Variants in PRKN observed in about 807,000 individuals in gnomAD.
PRKN encodes the protein parkin RBR E3 ubiquitin protein ligase, also known as E3 ubiquitin-protein ligase parkin.
PRKN carries 56 observed loss-of-function variants against 59.5 expected under a neutral mutation model. The observed-to-expected ratio is 0.94, with a 90% CI of 0.76 to 1.18. The LOEUF (loss-of-function observed/expected upper bound fraction) is 1.18, where lower values mean the gene tolerates loss of function less well. PRKN is among the 50% of genes most tolerant of loss of function. PRKN has a pLI of 0.00. For synonymous variants in PRKN, 250 were observed against 222.1 expected (o/e 1.13, Z -1.12); for missense variants, 657 against 596.4 (o/e 1.10, Z -1.06).
intron 4 of PRKN, among the ~76,000 whole-genome samples, chr6:162,093,686 C>G (rs1294019958): frequency 6.6e-6 from 1 of 152,162 alleles, no homozygotes; most frequent in African/African-American, 2.4e-5. Flanking sequence ...GTAGTCACAT[C>G]TGAAGAACAC....
chr6:162,190,781 T>A (rs75215200), intron 4 of PRKN, among the ~76,000 whole-genome samples: 1 of 152,216 alleles, frequency 6.6e-6, no homozygotes, highest in Non-Finnish European at 1.5e-5. Flanking sequence ...ACAAAGGATC[T>A]ACTATGTAGG....
chr6:162,441,234 T>C (rs1242294712), intron 2 of PRKN, among the ~76,000 whole-genome samples: 1 of 152,156 alleles, frequency 6.6e-6, no homozygotes, highest in African/African-American at 2.4e-5. Flanking sequence ...TTCTATGGCA[T>C]GACATTTTTC....
chr6:161,748,592 A>G (rs1788536948), intron 7 of PRKN, among the ~76,000 whole-genome samples: 1 of 152,180 alleles, frequency 6.6e-6, no homozygotes, highest in East Asian at 1.9e-4. Flanking sequence ...GGTTCCTGGA[A>G]GTAACACTGG....
At chr6:162,558,611 G>A (rs752646672) in intron 1 of PRKN, among the ~76,000 whole-genome samples, 36 of 151,582 alleles carry the variant, frequency 2.4e-4, no homozygotes, top group Non-Finnish European at 4.3e-4. Flanking sequence ...TTACAGGCAT[G>A]AGCCACTGTG....
rs1245605147 is a variant in PRKN at position 161,554,011 on chromosome 6, T to G, written c.934-5008A>C. 6.6e-6 allele frequency among the ~76,000 whole-genome samples: 1 copy of G among 152,252 alleles called. No individual in the cohort carries two copies. Among genetic ancestry groups the G allele is most frequent in the Non-Finnish European group, 1.5e-5 (1 of 68,044 alleles). On this transcript the variant is annotated intron_variant, in intron 8 of 11. Coordinates refer to ENST00000366898, the MANE Select transcript of PRKN (RefSeq NM_004562.3). This position sits in a 1 kb window ranked among gnomAD's most constrained non-coding sequence, Gnocchi z 4.5. ...AAGACCATAAATTGGGTGCTAGGCA[T>G]GTTCAGTGCTCCTAAGTTAGTCATT...
intron 6 of PRKN, among the ~76,000 whole-genome samples, chr6:161,961,901 C>T (rs1374842997): frequency 1.3e-5 from 2 of 152,090 alleles, no homozygotes; most frequent in African/African-American, 4.8e-5. Context: ...ATCTGTGTAG[C>T]CCAGTGCCTC....
chr6:162,214,789 T>C (rs1777566669), intron 3 of PRKN, among the ~76,000 whole-genome samples: 2 of 152,208 alleles, frequency 1.3e-5, no homozygotes, highest in South Asian at 4.1e-4. Flanking sequence ...TCTTATGATG[T>C]CCCTCATTCA....
At chr6:162,256,090 G>A (rs1035821589) in intron 3 of PRKN, among the ~76,000 whole-genome samples, 1 of 152,138 alleles carries the variant, frequency 6.6e-6, no homozygotes, top group Non-Finnish European at 1.5e-5. Flanking sequence ...AGATCTTACA[G>A]AGCATCAGAG....
chr6:161,678,215 A>ATTTTTTT, intron 7 of PRKN, among the ~76,000 whole-genome samples: 1 of 86,338 alleles, frequency 1.2e-5, no homozygotes, highest in African/African-American at 6.1e-5. Context: ...ATACTGAATC[A>ATTTTTTT]CTTTTTTTTT....
chr6:162,595,662 T>C (rs958827789), intron 1 of PRKN, among the ~76,000 whole-genome samples: 11 of 152,294 alleles, frequency 7.2e-5, no homozygotes, highest in African/African-American at 2.6e-4. Context: ...TATTTTTAAA[T>C]AGAAATAATA....
rs1786738807 is a variant in PRKN, at chr6:161,395,962, A to T, written c.1084-9085T>A. Among the ~76,000 whole-genome samples, 1 of 152,194 alleles carries T rather than the reference A, an allele frequency of 6.6e-6. No homozygotes were observed. The highest frequency in any genetic ancestry group is 6.5e-5 in the Admixed American group (1 of 15,280). ...TTAGAGGTCCAGGTTAGAGAGAAAG[A>T]AACAGTGAATGGGGGAACGGCAGCT... On this transcript the variant is annotated intron_variant, in intron 9 of 11. Coordinates refer to ENST00000366898, the MANE Select transcript of PRKN (RefSeq NM_004562.3). This position sits in a 1 kb window ranked among gnomAD's most constrained non-coding sequence, Gnocchi z 5.0.
rs1457956518 is a variant in PRKN at position 161,483,653 on chromosome 6, T to C, written c.1083+65201A>G. On this transcript the variant is annotated intron_variant, in intron 9 of 11. Transcript: ENST00000366898. This position sits in a 1 kb window ranked among gnomAD's most constrained non-coding sequence, Gnocchi z 5.0. ...CCCCTCATCCCCAATAGAGAGCACATTGGTAGCTCAAATAGGCTATTACTC... is the reference window on the plus strand; with the variant it reads ...CCCCTCATCCCCAATAGAGAGCACACTGGTAGCTCAAATAGGCTATTACTC... Among the ~76,000 whole-genome samples, 3 of 152,126 alleles carry C rather than the reference T, an allele frequency of 2.0e-5. No individual in the cohort carries two copies. The highest frequency in any genetic ancestry group is 4.4e-5 in the Non-Finnish European group (3 of 68,030).
intron 1 of PRKN, among the ~76,000 whole-genome samples, chr6:162,649,361 G>T (rs191665711): frequency 1.3e-5 from 2 of 152,280 alleles, no homozygotes; most frequent in East Asian, 3.9e-4. Flanking sequence ...GCACTTTTAA[G>T]ATAAGGGTGA....
chr6:161,732,970 T>G (rs1483125801), intron 7 of PRKN, among the ~76,000 whole-genome samples: 1 of 152,202 alleles, frequency 6.6e-6, no homozygotes, highest in East Asian at 1.9e-4. Context: ...AGCACCATAA[T>G]GAGGGCGTAG....
chr6:162,323,889 A>G (rs911800946), intron 2 of PRKN, among the ~76,000 whole-genome samples: 1 of 152,088 alleles, frequency 6.6e-6, no homozygotes, highest in African/African-American at 2.4e-5. Flanking sequence ...AAGCTATTCT[A>G]CTCCTAGAAA....
intron 1 of PRKN, among the ~76,000 whole-genome samples, chr6:162,512,266 G>A (rs1044517818): frequency 6.6e-6 from 1 of 152,144 alleles, no homozygotes; most frequent in Non-Finnish European, 1.5e-5. Context: ...TATGGTCATG[G>A]GAGGGGTGGA....
chr6:161,609,640 C>T (rs2128146139), intron 7 of PRKN, among the ~76,000 whole-genome samples: 1 of 152,274 alleles, frequency 6.6e-6, no homozygotes, highest in Non-Finnish European at 1.5e-5. Flanking sequence ...GATGATAATA[C>T]ATGAACTTTC....
At chr6:162,136,686 C>A (rs1781573938) in intron 4 of PRKN, among the ~76,000 whole-genome samples, 1 of 152,178 alleles carries the variant, frequency 6.6e-6, no homozygotes, top group African/African-American at 2.4e-5. Context: ...TTTTCAGCAT[C>A]ATCACTGTGA....
At chr6:162,279,392 A>T (rs1189912910) in intron 2 of PRKN, among the ~76,000 whole-genome samples, 1 of 151,212 alleles carries the variant, frequency 6.6e-6, no homozygotes, top group African/African-American at 2.4e-5. Flanking sequence ...AGAGGGAAAG[A>T]AAGAAAGACA....
Sources: gnomAD v4.1 joint callset for allele counts (sites outside exome capture counted in the v4.1 genomes callset) on GRCh38, gnomAD v4.1.1 for gene constraint, Gnocchi (gnomAD v3.1) non-coding constraint, MANE v1.5 for transcripts, NCBI Gene and HGNC (gene_info 2026-07-23, HGNC 2026-07-21) for gene names.